PAM: variants seen among roughly 807,000 people sequenced by gnomAD.
PAM encodes the protein peptidyl-glycine alpha-amidating monooxygenase.
Under a neutral mutation model 122.1 loss-of-function variants are expected in PAM, and 72 were observed. The observed-to-expected ratio is 0.59, with a 90% CI of 0.49 to 0.72. PAM has a LOEUF of 0.72. PAM is among the 30% of genes least tolerant of loss of function. The pLI is 0.00. For synonymous variants in PAM, 389 were observed against 404.4 expected, an observed-to-expected ratio of 0.96 and a Z score of 0.46; for missense variants, 1,106 against 1,183.7, an observed-to-expected ratio of 0.93 and a Z score of 0.96.
At chr5:103,005,929 T>TTGC (rs942915661) in intron 18 of PAM, among the ~76,000 whole-genome samples, 1 of 145,404 alleles carries the variant, frequency 6.9e-6, no homozygotes, top group Non-Finnish European at 1.5e-5. Flanking sequence ...GTTGTTGTTG[T>TTGC]TGTTGCTGTT....
intron 8 of PAM, among the ~76,000 whole-genome samples, chr5:102,947,273 C>A (rs1757360810): frequency 6.6e-6 from 1 of 152,128 alleles, no homozygotes; most frequent in Non-Finnish European, 1.5e-5. Flanking sequence ...TGGCACCTGG[C>A]CTCCATCATA....
At chr5:102,952,582 G>T (rs1759305011) in intron 12 of PAM, among the ~76,000 whole-genome samples, 2 of 151,922 alleles carry the variant, frequency 1.3e-5, no homozygotes, top group Non-Finnish European at 2.9e-5. Context: ...TTTTACCAGT[G>T]GAATGACAAA....
intron 1 of PAM, among the ~76,000 whole-genome samples, chr5:102,841,025 CTT>C (rs1367793873): frequency 8.6e-6 from 1 of 116,000 alleles, no homozygotes; most frequent in African/African-American, 3.9e-5. Flanking sequence ...GAAACATACT[CTT>C]TATGTGATTT....
Position 103,006,875 on chromosome 5 carries a change from C to T in PAM, c.1878C>T (p.Asp626=), listed in dbSNP as rs779379441. The change falls in exon 19 of 26, where the codon GAC becomes GAT. Residue 626 remains aspartate (D), a synonymous_variant. Coordinates refer to ENST00000438793, the MANE Select transcript of PAM (RefSeq NM_001177306.2). Reference sequence around the variant, plus strand: ...GAAGGAGCATGCAACCAGGCAGTGACCAGAATCACTTCTGTCAACCCACTG... The same window carrying T: ...GAAGGAGCATGCAACCAGGCAGTGATCAGAATCACTTCTGTCAACCCACTG... ...ILGRSMQPGS[D]QNHFCQPTDV... is the part of the protein sequence containing the mutation. The T allele has an allele frequency of 6.2e-6, 10 of 1,613,916 alleles. No individual in the cohort carries two copies. The highest frequency in any genetic ancestry group is 5.5e-5 in the South Asian group (5 of 91,070).
intron 1 of PAM, among the ~76,000 whole-genome samples, chr5:102,794,679 T>C (rs559685693): frequency 9.2e-5 from 14 of 152,302 alleles, no homozygotes; most frequent in South Asian, 2.1e-4. Context: ...TAAATAGAGA[T>C]TATCAGCTTA....
At chr5:102,951,310 C>A (rs1013158483) in intron 12 of PAM, among the ~76,000 whole-genome samples, 2 of 151,818 alleles carry the variant, frequency 1.3e-5, no homozygotes, top group African/African-American at 4.8e-5. Flanking sequence ...GAATGTTGAG[C>A]CTTTTAAATA....
chr5:102,761,133 A>G (rs2149671701), intron 1 of PAM, among the ~76,000 whole-genome samples: 1 of 152,366 alleles, frequency 6.6e-6, no homozygotes, highest in South Asian at 2.1e-4. Flanking sequence ...GTGGTCTCAC[A>G]GAAAGGATGG....
intron 1 of PAM, chr5:102,865,380 T>G (rs192917566): frequency 1.8e-4 from 28 of 152,538 alleles, no homozygotes; most frequent in African/African-American, 6.5e-4. Flanking sequence ...TATCCAGTGC[T>G]TTGTCTTTGC....
chr5:102,799,576 C>T (rs1026105759), intron 1 of PAM, among the ~76,000 whole-genome samples: 2 of 152,044 alleles, frequency 1.3e-5, no homozygotes, highest in South Asian at 2.1e-4. Context: ...GTAATGATAT[C>T]GAATTTATAC....
chr5:103,019,141 G>C (rs1056874128), intron 22 of PAM, among the ~76,000 whole-genome samples: 4 of 76,288 alleles, frequency 5.2e-5, no homozygotes, highest in Admixed American at 4.7e-4. Context: ...ATTTACCTAC[G>C]GGGGGGGACT....
At chr5:103,002,879 T>C (rs1301531397) in intron 16 of PAM, among the ~76,000 whole-genome samples, 154 bp from the exon 17 acceptor site, 1 of 152,190 alleles carries the variant, frequency 6.6e-6, no homozygotes, top group Non-Finnish European at 1.5e-5. Context: ...TAATGGGGTA[T>C]ATTATAATCC....
chr5:102,847,726 T>C lies in PAM; in HGVS notation c.-373-18097T>C, dbSNP rs537313454. On this transcript the variant is annotated intron_variant, in intron 1 of 25. Coordinates refer to ENST00000438793, the MANE Select transcript of PAM (RefSeq NM_001177306.2). ...ACTATTCCGGTGAGAGTACTTCAGA[T>C]GATAAGGGGCAAAATTTCCTAGGAA... Among the ~76,000 whole-genome samples the C allele has an allele frequency of 2.6e-5, 4 of 152,254 alleles. No individual in the cohort carries two copies. In the South Asian group the frequency reaches 8.3e-4, roughly 32 times the overall value.
At position 102,818,012 on chromosome 5, in the gene PAM, CT is replaced by C. The variant is rs1007728925; in HGVS notation, c.-373-47802del. On this transcript the variant is annotated intron_variant, in intron 1 of 25. Coordinates refer to ENST00000438793, the MANE Select transcript of PAM (RefSeq NM_001177306.2). The stretch of plus-strand genomic sequence containing the variant: ...AACCTTTACCGAAAACCTACTTAAA[CT>C]TTTTTTTTCTCAAAAAAAAAAAAAA... Among the ~76,000 whole-genome samples, 17 of 96,564 alleles carry C rather than the reference CT, an allele frequency of 1.8e-4. No individual in the cohort carries two copies. In the East Asian group the frequency reaches 1.8e-3, roughly 10 times the overall value. 63.3% of individuals were successfully genotyped at this position (96,564 alleles called of 152,430 possible). A position where few individuals can be genotyped will look rare whatever the true frequency, so the allele number is the denominator to read the frequency against.
intron 2 of PAM, 54 bp downstream of exon 2, chr5:102,866,338 A>G: frequency 5.1e-6 from 6 of 1,167,966 alleles, no homozygotes; most frequent in Non-Finnish European, 7.7e-6. Context: ...AAATGTAATC[A>G]CTTTTATGAA....
chr5:102,872,547 A>C (rs1010185951), intron 3 of PAM, among the ~76,000 whole-genome samples: 6 of 152,276 alleles, frequency 3.9e-5, no homozygotes, highest in African/African-American at 1.4e-4. Context: ...TCCACAATAC[A>C]TGTATAATCT....
intron 24 of PAM, 89 bp from the exon 25 acceptor site, chr5:103,028,096 C>T (rs1439152591): frequency 2.1e-6 from 2 of 943,008 alleles, no homozygotes; most frequent in Non-Finnish European, 3.5e-6. Flanking sequence ...TTATCATTTA[C>T]CAGTTCCTAT....
chr5:102,846,336 G>C (rs1779939655), intron 1 of PAM, among the ~76,000 whole-genome samples: 1 of 152,114 alleles, frequency 6.6e-6, no homozygotes, highest in Non-Finnish European at 1.5e-5. Flanking sequence ...TTTGTGCATT[G>C]GCTCCTGCCC....
chr5:102,758,207 C>G (rs78977614), intron 1 of PAM, among the ~76,000 whole-genome samples: 4,354 of 147,428 alleles, frequency 0.03, 111 homozygotes, highest in East Asian at 0.14. Flanking sequence ...AGTGACATCT[C>G]TGATTCTTTT....
chr5:102,814,072 G>A (rs1465952785), intron 1 of PAM, among the ~76,000 whole-genome samples: 1 of 152,158 alleles, frequency 6.6e-6, no homozygotes, highest in Non-Finnish European at 1.5e-5. Context: ...CAGCAATGCT[G>A]GGAAATAGAA....
Sources: gnomAD v4.1 joint callset for allele counts (sites outside exome capture counted in the v4.1 genomes callset) on GRCh38, gnomAD v4.1.1 for gene constraint, MANE v1.5 for transcripts, NCBI Gene and HGNC (gene_info 2026-07-23, HGNC 2026-07-21) for gene names.